Variants in DAB1 observed in about 807,000 individuals in gnomAD.
DAB1 encodes DAB adaptor protein 1.
Under a neutral mutation model 64.6 loss-of-function variants are expected in DAB1, and 15 were observed. That is an observed-to-expected ratio of 0.23 (90% CI 0.16 to 0.36). The LOEUF is 0.36. Ranked by LOEUF, DAB1 falls within the 10% of genes least tolerant of loss-of-function variation. The probability of loss-of-function intolerance (pLI) is 1.00; values close to 1 mark genes in which losing one functional copy is unlikely to be tolerated. For missense variants in DAB1, 596 were observed against 706.7 expected (o/e 0.84, Z 1.78); for synonymous variants, 235 against 251.9 (o/e 0.93, Z 0.64).
At chr1:57,466,967 G>A (rs990631749) in intron 7 of DAB1, among the ~76,000 whole-genome samples, 4 of 152,140 alleles carry the variant, frequency 2.6e-5, no homozygotes, top group Non-Finnish European at 5.9e-5. Flanking sequence ...GATTAGATGA[G>A]ACCCACCCAG....
intron 4 of DAB1, among the ~76,000 whole-genome samples, chr1:58,158,335 CT>C (rs1310050097): frequency 6.6e-6 from 1 of 152,146 alleles, no homozygotes; most frequent in Non-Finnish European, 1.5e-5. Context: ...AGAAGGAAAG[CT>C]ATACAGAGCA....
upstream of DAB1, among the ~76,000 whole-genome samples, chr1:57,424,921 T>TA (rs1361008843): frequency 6.6e-6 from 1 of 152,016 alleles, no homozygotes; most frequent in Admixed American, 6.5e-5. Context: ...TGACTGGGAG[T>TA]AAACAATCCT....
intron 11 of DAB1, among the ~76,000 whole-genome samples, chr1:57,018,915 T>C (rs998029853): frequency 6.6e-6 from 1 of 152,220 alleles, no homozygotes; most frequent in African/African-American, 2.4e-5. Context: ...TTGTCTCTGC[T>C]GGCCCATCTG....
At chr1:57,423,398 A>G (rs1009265241) in intron 1 of DAB1, among the ~76,000 whole-genome samples, 2 of 151,984 alleles carry the variant, frequency 1.3e-5, no homozygotes, top group Non-Finnish European at 2.9e-5. Context: ...ACTGGGATAG[A>G]GTCGGTTTTT....
intron 5 of DAB1, among the ~76,000 whole-genome samples, chr1:58,026,700 A>C (rs1306288575): frequency 6.6e-6 from 1 of 152,174 alleles, no homozygotes; most frequent in Non-Finnish European, 1.5e-5. Context: ...GAGGAAGAAA[A>C]AGCCAGAGTT....
chr1:57,434,942 C>T (rs1441264523), intron 7 of DAB1, among the ~76,000 whole-genome samples: 2 of 151,978 alleles, frequency 1.3e-5, no homozygotes, highest in African/African-American at 2.4e-5. Context: ...AATGTGAAGG[C>T]CTACGACATT....
chr1:57,981,796 T>C (rs1646072675), intron 5 of DAB1, among the ~76,000 whole-genome samples: 1 of 152,212 alleles, frequency 6.6e-6, no homozygotes, highest in African/African-American at 2.4e-5. Flanking sequence ...ATTGTCTCCA[T>C]TATTGCACAA....
chr1:57,281,539 C>T (rs926231612), intron 2 of DAB1, among the ~76,000 whole-genome samples: 2 of 152,102 alleles, frequency 1.3e-5, no homozygotes, highest in Non-Finnish European at 2.9e-5. Flanking sequence ...GAGGAATGCG[C>T]CTGGACAGAT....
At chr1:58,234,370 A>T (rs965163114) in intron 4 of DAB1, among the ~76,000 whole-genome samples, 1 of 152,224 alleles carries the variant, frequency 6.6e-6, no homozygotes, top group Non-Finnish European at 1.5e-5. Flanking sequence ...AGTAGGTGAC[A>T]TGAGGGGAAA....
intron 1 of DAB1, among the ~76,000 whole-genome samples, chr1:57,349,649 C>A (rs951030814): frequency 6.6e-6 from 1 of 152,148 alleles, no homozygotes; most frequent in African/African-American, 2.4e-5. Context: ...TAACATACAG[C>A]CTACCATGTA....
intron 6 of DAB1, among the ~76,000 whole-genome samples, chr1:57,804,512 G>A (rs534231332): frequency 6.6e-6 from 1 of 152,160 alleles, no homozygotes; most frequent in African/African-American, 2.4e-5. Context: ...ATTACCATTT[G>A]CAGATACGTG....
intron 3 of DAB1, among the ~76,000 whole-genome samples, chr1:58,504,867 T>A (rs1045332577): frequency 7.9e-5 from 12 of 152,220 alleles, no homozygotes; most frequent in African/African-American, 2.9e-4. Context: ...ATCTTATTCC[T>A]CTTTGTATCC....
chr1:57,086,488 C>A (rs1294795172), intron 4 of DAB1, among the ~76,000 whole-genome samples: 1 of 152,124 alleles, frequency 6.6e-6, no homozygotes, highest in African/African-American at 2.4e-5. Context: ...AAGAAGCAGA[C>A]TCTCTGGTCT....
At chr1:57,785,266 C>T (rs370937023) in intron 6 of DAB1, among the ~76,000 whole-genome samples, 10 of 152,246 alleles carry the variant, frequency 6.6e-5, no homozygotes, top group African/African-American at 2.2e-4. Flanking sequence ...TGGATATGTG[C>T]AAGGAGATGA....
At position 57,034,140 on chromosome 1, in the gene DAB1, C is replaced by A. The variant is rs142797952; in HGVS notation, c.724-8097G>T. ...CTAAAAATACAAAAAATTAGCCAGA[C>A]GTGATGGCAGGCGCCTGTAATCCCA... On this transcript the variant is annotated intron_variant, in intron 9 of 14. Transcript: ENST00000371236. Among the ~76,000 whole-genome samples the A allele has an allele frequency of 7.9e-5, 12 of 152,102 alleles. No individual in the cohort carries two copies. The East Asian group carries it at 2.3e-3, about 29-fold the overall frequency.
chr1:57,677,438 G>T (rs959975265), intron 6 of DAB1, among the ~76,000 whole-genome samples: 2 of 152,142 alleles, frequency 1.3e-5, no homozygotes, highest in East Asian at 3.9e-4. Flanking sequence ...ATAGACACAC[G>T]GTGGTTGAGA....
intron 5 of DAB1, among the ~76,000 whole-genome samples, chr1:58,061,806 A>G (rs1264057338): frequency 6.6e-6 from 1 of 152,196 alleles, no homozygotes; most frequent in African/African-American, 2.4e-5. Context: ...GGGTTGTGTG[A>G]CAGTTAAATG....
At chr1:57,314,168 A>G (rs566326896) in intron 1 of DAB1, among the ~76,000 whole-genome samples, 1 of 152,330 alleles carries the variant, frequency 6.6e-6, no homozygotes, top group Admixed American at 6.5e-5. Flanking sequence ...CAGCTCCTCA[A>G]AATATCCCAA....
At chr1:58,056,517 C>T in intron 5 of DAB1, 1 of 1,086,872 alleles carries the variant, frequency 9.2e-7, no homozygotes, top group South Asian at 1.2e-5. Flanking sequence ...CATGTGCATT[C>T]TTAATGTTGG....
Sources: gnomAD v4.1 joint callset for allele counts (sites outside exome capture counted in the v4.1 genomes callset) on GRCh38, gnomAD v4.1.1 for gene constraint, MANE v1.5 for transcripts, NCBI Gene and HGNC (gene_info 2026-07-23, HGNC 2026-07-21) for gene names.